Variants in PRELID2 observed in about 807,000 individuals in gnomAD.
PRELID2 encodes the protein PRELI domain containing 2.
In PRELID2, 25 loss-of-function variants were observed where a neutral mutation model predicts 28.4. That is an observed-to-expected ratio of 0.88 (90% confidence interval 0.64 to 1.23). The LOEUF (loss-of-function observed/expected upper bound fraction) is 1.23. Among genes scored for constraint, PRELID2 ranks in the 50% most tolerant of loss-of-function variants. The pLI, the probability that PRELID2 is intolerant of heterozygous loss-of-function variation, is 0.00. For missense variants in PRELID2, 201 were observed against 214.4 expected, an observed-to-expected ratio of 0.94 and a Z score of 0.39; for synonymous variants, 76 against 71.6, an observed-to-expected ratio of 1.06 and a Z score of -0.31.
chr5:145,514,582 A>G (rs1758259238), intron 1 of PRELID2, among the ~76,000 whole-genome samples: 1 of 152,194 alleles, frequency 6.6e-6, no homozygotes, highest in Non-Finnish European at 1.5e-5. Flanking sequence ...AATATTAGAC[A>G]GATCAACAAG....
intron 1 of PRELID2, among the ~76,000 whole-genome samples, chr5:145,694,461 T>C (rs576948933): frequency 2.4e-4 from 36 of 152,280 alleles, no homozygotes; most frequent in South Asian, 2.1e-3. Flanking sequence ...TTAAAATATG[T>C]TATTAATAAA....
At chr5:145,322,334 C>A in the PRELID2 span, among the ~76,000 whole-genome samples, 1 of 152,260 alleles carries the variant, frequency 6.6e-6, no homozygotes, top group East Asian at 1.9e-4. Context: ...GAGAATAGGG[C>A]TTCAGCTCTC....
At chr5:145,747,646 A>AAGGAAGAACTCCTCCCT in intron 1 of PRELID2, among the ~76,000 whole-genome samples, 1 of 152,100 alleles carries the variant, frequency 6.6e-6, no homozygotes, top group South Asian at 2.1e-4. Context: ...AAACAATAAA[A>AAGGAAGAACTCCTCCCT]AACACATTTC....
intron 1 of PRELID2, among the ~76,000 whole-genome samples, chr5:145,540,203 G>A (rs1752734035): frequency 6.6e-6 from 1 of 151,830 alleles, no homozygotes; most frequent in African/African-American, 2.4e-5. Flanking sequence ...TGCAATTTGA[G>A]TTCTAGCCAT....
chr5:145,409,342 G>T, the PRELID2 span, among the ~76,000 whole-genome samples: 1 of 152,100 alleles, frequency 6.6e-6, no homozygotes, highest in African/African-American at 2.4e-5. Flanking sequence ...GTAACAACTA[G>T]CATGATGAAT....
intron 1 of PRELID2, among the ~76,000 whole-genome samples, chr5:145,587,141 G>C (rs1380037346): frequency 6.6e-6 from 1 of 152,128 alleles, no homozygotes; most frequent in African/African-American, 2.4e-5. Context: ...CATCAAGCCA[G>C]GGAACATCTG....
chr5:145,375,858 G>C, the PRELID2 span, among the ~76,000 whole-genome samples: 1 of 152,224 alleles, frequency 6.6e-6, no homozygotes, highest in Non-Finnish European at 1.5e-5. Context: ...TGGAGCTATA[G>C]AGATGCATGC....
chr5:145,286,433 C>T, the PRELID2 span, among the ~76,000 whole-genome samples: 57,327 of 151,978 alleles, frequency 0.38, 11,246 homozygotes, highest in African/African-American at 0.47. Flanking sequence ...GACAATTCCA[C>T]AGGGTAGATG....
At chr5:145,264,399 C>T in the PRELID2 span, among the ~76,000 whole-genome samples, 1 of 152,044 alleles carries the variant, frequency 6.6e-6, no homozygotes, top group Non-Finnish European at 1.5e-5. Context: ...AATCACATGA[C>T]CATCACAATA....
intron 1 of PRELID2, among the ~76,000 whole-genome samples, chr5:145,635,133 G>A (rs900240447): frequency 3.3e-5 from 5 of 152,110 alleles, no homozygotes; most frequent in African/African-American, 7.2e-5. Context: ...CATCCCTCTC[G>A]TCCTTAAAGT....
chr5:145,650,925 C>T (rs924298741), intron 1 of PRELID2, among the ~76,000 whole-genome samples: 12 of 151,982 alleles, frequency 7.9e-5, no homozygotes, highest in African/African-American at 1.4e-4. Context: ...ACAGTGGGTG[C>T]GGCCCACCGA....
the PRELID2 span, among the ~76,000 whole-genome samples, chr5:145,351,701 CA>C: frequency 6.6e-6 from 1 of 152,052 alleles, no homozygotes; most frequent in Non-Finnish European, 1.5e-5. Flanking sequence ...GTCCAAGTCC[CA>C]GGTCTCATCT....
At chr5:145,236,366 C>A in the PRELID2 span, among the ~76,000 whole-genome samples, 2 of 152,292 alleles carry the variant, frequency 1.3e-5, no homozygotes, top group East Asian at 3.9e-4. Context: ...GTCATTGCAA[C>A]ACCCTCTTCC....
chr5:145,528,690 T>TAC (rs34302691), intron 1 of PRELID2, among the ~76,000 whole-genome samples: 1,713 of 129,728 alleles, frequency 0.013, 16 homozygotes, highest in African/African-American at 0.019. Flanking sequence ...CATTCTAAAC[T>TAC]ACACACACAC....
chr5:145,552,529 C>A (rs1480563762), intron 1 of PRELID2, among the ~76,000 whole-genome samples: 1 of 152,054 alleles, frequency 6.6e-6, no homozygotes, highest in African/African-American at 2.4e-5. Flanking sequence ...TCCACCCCAA[C>A]CCCCTGCCTC....
chr5:145,483,040 C>G (rs79606752), intron 1 of PRELID2, among the ~76,000 whole-genome samples: 1 of 152,042 alleles, frequency 6.6e-6, no homozygotes, highest in Non-Finnish European at 1.5e-5. Context: ...ACCTGTCGAA[C>G]AGTTTTCACA....
intron 1 of PRELID2, among the ~76,000 whole-genome samples, chr5:145,608,252 A>ATAT (rs1753538518): frequency 6.6e-6 from 1 of 152,142 alleles, no homozygotes; most frequent in Non-Finnish European, 1.5e-5. Context: ...TTCAAGGTTA[A>ATAT]TATTGATTTG....
intron 1 of PRELID2, among the ~76,000 whole-genome samples, chr5:145,575,940 G>A (rs1753056668): frequency 6.6e-6 from 1 of 151,978 alleles, no homozygotes; most frequent in Admixed American, 6.6e-5. Context: ...CTTATGTTGG[G>A]AACACTCTTC....
intron 1 of PRELID2, among the ~76,000 whole-genome samples, chr5:145,545,978 C>T (rs1441882954): frequency 6.6e-6 from 1 of 151,976 alleles, no homozygotes; most frequent in Non-Finnish European, 1.5e-5. Flanking sequence ...AATCTGAGGT[C>T]TAAATGGCAG....
Sources: allele counts gnomAD v4.1 joint callset (sites outside exome capture counted in the v4.1 genomes callset), GRCh38; gene constraint gnomAD v4.1.1; transcripts MANE v1.5; gene names NCBI Gene and HGNC (gene_info 2026-07-23, HGNC 2026-07-21).